Variants in EPM2A observed in about 807,000 individuals in gnomAD.
EPM2A encodes the protein laforin.
A neutral mutation model predicts 26.5 loss-of-function variants in EPM2A; 21 were observed. The observed-to-expected ratio is 0.79, with a 90% CI of 0.56 to 1.14. The LOEUF is 1.14. EPM2A is among the 50% of genes most tolerant of loss of function. The pLI, the probability that EPM2A is intolerant of heterozygous loss-of-function variation, is 0.00. For missense variants in EPM2A, 458 were observed against 440.8 expected, an observed-to-expected ratio of 1.04 and a Z score of -0.35; for synonymous variants, 217 against 177.6, an observed-to-expected ratio of 1.22 and a Z score of -1.76.
At position 145,625,591 on chromosome 6, in the gene EPM2A, G is replaced by A. The variant is rs1775747960; in HGVS notation, c.*1825C>T. ...TAAATTTTCACAACACATTATGACT[G>A]TAAATGAGTTACCTGAATACCAATT... On this transcript the variant is annotated 3_prime_UTR_variant, in exon 4 of 4. Transcript: ENST00000367519. 5.6e-6 allele frequency: 4 copies of A among 710,504 alleles called. No homozygotes were observed. Among genetic ancestry groups the A allele is most frequent in the Admixed American group, 4.0e-5 (2 of 49,702 alleles). 44.0% of individuals were successfully genotyped at this position (710,504 alleles called of 1,614,324 possible). A position where few individuals can be genotyped will look rare whatever the true frequency, so the allele number is the denominator to read the frequency against.
At chr6:145,478,699 T>G (rs1350129525) in intron 4 of EPM2A, among the ~76,000 whole-genome samples, 1 of 151,866 alleles carries the variant, frequency 6.6e-6, no homozygotes, top group Non-Finnish European at 1.5e-5. Context: ...CCCATATGTT[T>G]TATATGTAAT....
At chr6:145,581,288 G>C (rs910106536) in intron 2 of EPM2A, among the ~76,000 whole-genome samples, 2 of 151,976 alleles carry the variant, frequency 1.3e-5, no homozygotes, top group Non-Finnish European at 2.9e-5. Flanking sequence ...TGTTGGCTGC[G>C]TGTATGTGTT....
intron 2 of EPM2A, among the ~76,000 whole-genome samples, chr6:145,506,397 C>A (rs1460218404): frequency 6.6e-6 from 1 of 151,880 alleles, no homozygotes; most frequent in South Asian, 2.1e-4. Context: ...ACAACAGACG[C>A]CTTAGACATG....
chr6:145,443,104 C>T (rs1174316802), intron 4 of EPM2A, among the ~76,000 whole-genome samples: 1 of 151,948 alleles, frequency 6.6e-6, no homozygotes, highest in Non-Finnish European at 1.5e-5. Flanking sequence ...ATCTCCTGAC[C>T]TTGTGATCCA....
At chr6:145,475,185 C>A (rs1779526076) in intron 4 of EPM2A, among the ~76,000 whole-genome samples, 1 of 152,106 alleles carries the variant, frequency 6.6e-6, no homozygotes, top group Non-Finnish European at 1.5e-5. Flanking sequence ...TTTTTTGCAG[C>A]ACTGTTCAAA....
chr6:145,399,429 G>T (rs1193522378), intron 4 of EPM2A, among the ~76,000 whole-genome samples: 2 of 152,102 alleles, frequency 1.3e-5, no homozygotes, highest in East Asian at 3.9e-4. Context: ...AACTATAAAA[G>T]TTTTCCTGCT....
At chr6:145,703,770 G>T (rs1782063056) in intron 1 of EPM2A, among the ~76,000 whole-genome samples, 1 of 152,150 alleles carries the variant, frequency 6.6e-6, no homozygotes, top group African/African-American at 2.4e-5. Context: ...AGCTTTACAA[G>T]TATACTTTTC....
downstream of EPM2A, among the ~76,000 whole-genome samples, chr6:145,497,869 G>C (rs966052074): frequency 2.0e-5 from 3 of 152,248 alleles, no homozygotes; most frequent in Admixed American, 6.5e-5. Context: ...TTCTGCCCCA[G>C]TAGGCTTGGG....
chr6:145,590,443 A>T (rs928045242), intron 2 of EPM2A, among the ~76,000 whole-genome samples: 1 of 127,580 alleles, frequency 7.8e-6, no homozygotes, highest in Non-Finnish European at 1.8e-5. Flanking sequence ...ACTGAAAAAT[A>T]AAAAAAAAGA....
intron 2 of EPM2A, among the ~76,000 whole-genome samples, chr6:145,561,875 C>T (rs1780809619): frequency 6.6e-6 from 1 of 151,940 alleles, no homozygotes; most frequent in Admixed American, 6.6e-5. Flanking sequence ...ACAGGAAGGG[C>T]AACAAACACA....
chr6:145,403,461 C>T (rs1195221596), intron 4 of EPM2A, among the ~76,000 whole-genome samples: 2 of 148,672 alleles, frequency 1.3e-5, no homozygotes, highest in Non-Finnish European at 3.0e-5. Flanking sequence ...CTCTTACTCT[C>T]TATGTCCATG....
At chr6:145,415,002 T>C (rs545438635) in intron 4 of EPM2A, among the ~76,000 whole-genome samples, 1 of 152,348 alleles carries the variant, frequency 6.6e-6, no homozygotes, top group East Asian at 1.9e-4. Context: ...CTGTTTCTTG[T>C]TCACTCTACC....
intron 4 of EPM2A, among the ~76,000 whole-genome samples, chr6:145,386,361 GA>G (rs1209778041): frequency 1.3e-5 from 2 of 151,664 alleles, no homozygotes; most frequent in Admixed American, 6.6e-5. Flanking sequence ...TAAAACGAGG[GA>G]AAAAAAGCTT....
At chr6:145,444,178 G>C (rs995222046) in intron 4 of EPM2A, among the ~76,000 whole-genome samples, 1 of 152,172 alleles carries the variant, frequency 6.6e-6, no homozygotes, top group Non-Finnish European at 1.5e-5. Flanking sequence ...GACTTGTTCT[G>C]ATTTTCAAGA....
At chr6:145,517,563 T>C (rs915144687) in intron 2 of EPM2A, among the ~76,000 whole-genome samples, 3 of 152,206 alleles carry the variant, frequency 2.0e-5, no homozygotes, top group African/African-American at 7.2e-5. Flanking sequence ...CAGAAGAGCT[T>C]CGAAAGGCAT....
At chr6:145,586,487 C>T (rs1361340989) in intron 2 of EPM2A, among the ~76,000 whole-genome samples, 1 of 152,092 alleles carries the variant, frequency 6.6e-6, no homozygotes, top group Non-Finnish European at 1.5e-5. Flanking sequence ...ATCAAAATAT[C>T]TTTTTAGAAC....
intron 2 of EPM2A, among the ~76,000 whole-genome samples, chr6:145,523,276 A>T (rs1212035102): frequency 6.6e-6 from 1 of 152,184 alleles, no homozygotes; most frequent in Non-Finnish European, 1.5e-5. Flanking sequence ...ACATACTGGG[A>T]TCTCAATTAC....
At chr6:145,686,488 A>G (rs1583054565) in intron 1 of EPM2A, among the ~76,000 whole-genome samples, 192 bp from the exon 2 acceptor site, 1 of 152,290 alleles carries the variant, frequency 6.6e-6, no homozygotes, top group South Asian at 2.1e-4. Context: ...GCTACTTAGG[A>G]AAATCAGAGT....
At chr6:145,643,970 T>C (rs951002172) in intron 2 of EPM2A, among the ~76,000 whole-genome samples, 1 of 152,190 alleles carries the variant, frequency 6.6e-6, no homozygotes, top group African/African-American at 2.4e-5. Flanking sequence ...GTAGGACATG[T>C]GAGCTGGAGC....
Sources: allele counts gnomAD v4.1 joint callset (sites outside exome capture counted in the v4.1 genomes callset), GRCh38; gene constraint gnomAD v4.1.1; transcripts MANE v1.5; gene names NCBI Gene and HGNC (gene_info 2026-07-23, HGNC 2026-07-21).